EFEMP1: variants seen among roughly 807,000 people sequenced by gnomAD.
EFEMP1 encodes EGF-like fibulin extracellular matrix protein 1, also known as EGF-containing fibulin-like extracellular matrix protein 1.
EFEMP1 carries 18 observed loss-of-function variants against 65.7 expected under a neutral mutation model. The ratio of observed to expected loss-of-function variants is 0.27; its 90% confidence interval spans 0.19 to 0.41. The LOEUF is 0.41. Ranked by LOEUF, EFEMP1 falls within the 10% of genes least tolerant of loss-of-function variation. The pLI, the probability that EFEMP1 is intolerant of heterozygous loss-of-function variation, is 1.00. For synonymous variants in EFEMP1, 237 were observed against 219.7 expected (o/e 1.08, Z -0.70); for missense variants, 469 against 624.8 (o/e 0.75, Z 2.66).
chr2:55,879,364 G>C (rs1442527298), intron 6 of EFEMP1, among the ~76,000 whole-genome samples: 1 of 152,178 alleles, frequency 6.6e-6, no homozygotes, highest in East Asian at 1.9e-4. Flanking sequence ...AGTATTGATA[G>C]CTAATTTGTA....
chr2:55,902,989 T>G (rs914374355), intron 5 of EFEMP1, among the ~76,000 whole-genome samples: 4 of 152,214 alleles, frequency 2.6e-5, no homozygotes, highest in African/African-American at 9.6e-5. Context: ...TTGTAAATAA[T>G]TTCAAGTAAG....
At chr2:55,912,846 A>AT (rs1670529859) in intron 5 of EFEMP1, among the ~76,000 whole-genome samples, 1 of 151,994 alleles carries the variant, frequency 6.6e-6, no homozygotes, top group Non-Finnish European at 1.5e-5. Context: ...GTGTGGTGAA[A>AT]TTTTTTCTAG....
chr2:55,895,544 C>CT (rs11439731), intron 5 of EFEMP1, among the ~76,000 whole-genome samples: 31,726 of 138,502 alleles, frequency 0.23, 5,350 homozygotes, highest in African/African-American at 0.47. Context: ...CACAAATTAT[C>CT]TTTTTTTTTT....
chr2:55,888,580 A>G (rs1558470425), intron 5 of EFEMP1, among the ~76,000 whole-genome samples: 2 of 151,806 alleles, frequency 1.3e-5, no homozygotes, highest in Non-Finnish European at 2.9e-5. Context: ...CTTGTGATTC[A>G]CCCACCTTGG....
At chr2:55,895,702 C>T (rs1366902300) in intron 5 of EFEMP1, among the ~76,000 whole-genome samples, 8 of 151,884 alleles carry the variant, frequency 5.3e-5, no homozygotes. Context: ...CCACCTCGCC[C>T]GGCTAATTTT....
At chr2:55,875,431 G>A in intron 8 of EFEMP1, among the ~76,000 whole-genome samples, 1 of 151,668 alleles carries the variant, frequency 6.6e-6, no homozygotes, top group East Asian at 1.9e-4. Flanking sequence ...GTGAGCTAAA[G>A]AGAGTAAAAA....
chr2:55,889,452 C>T (rs1436468233), intron 5 of EFEMP1, among the ~76,000 whole-genome samples: 1 of 152,114 alleles, frequency 6.6e-6, no homozygotes. Context: ...TTCATTATAT[C>T]TTACTTATGA....
intron 5 of EFEMP1, among the ~76,000 whole-genome samples, chr2:55,910,705 G>A (rs1670449474): frequency 6.6e-6 from 1 of 152,142 alleles, no homozygotes; most frequent in Non-Finnish European, 1.5e-5. Context: ...GTCTTAAAAA[G>A]AATCTCCTCG....
intron 5 of EFEMP1, among the ~76,000 whole-genome samples, chr2:55,912,248 TA>T (rs757610912): frequency 1.6e-4 from 24 of 152,132 alleles, no homozygotes; most frequent in Non-Finnish European, 4.4e-5. Flanking sequence ...GCTGTATAAT[TA>T]TATGGAAGAA....
At position 55,918,613 on chromosome 2, in the gene EFEMP1, T is replaced by TAA. The variant is rs397760983; in HGVS notation, c.82-348_82-347dup. 7.8e-3 allele frequency among the ~76,000 whole-genome samples: 1,083 copies of TAA among 139,300 alleles called. 18 individuals carry two copies. The highest frequency in any genetic ancestry group is 0.029 in the African/African-American group (1,049 of 36,322). The allele number at this position is 139,300 out of a possible 152,430, so 91.4% of individuals were successfully genotyped here. A position where few individuals can be genotyped will look rare whatever the true frequency, so the allele number is the denominator to read the frequency against. On this transcript the variant is annotated intron_variant, in intron 3 of 11. Coordinates refer to ENST00000355426, the MANE Select transcript of EFEMP1 (RefSeq NM_001039348.3). The stretch of plus-strand genomic sequence containing the variant: ...GCCTTTTTTCCCACATTGGAAATGT[T>TAA]AAAAAAAAAAAAGACCAAATTCTCT...
intron 8 of EFEMP1, 76 bp from the exon 9 acceptor site, chr2:55,875,141 T>TCC: frequency 3.9e-6 from 2 of 511,030 alleles, no homozygotes; most frequent in South Asian, 5.3e-5. Flanking sequence ...TATATATATA[T>TCC]AAATTATATA....
chr2:55,875,365 C>CACACACACACACACACACAT lies in EFEMP1; in HGVS notation c.881-301_881-300insATGTGTGTGTGTGTGTGTGT, dbSNP rs1457478860. Reference sequence around the variant, plus strand: ...ACACACACACACACACACACACACACATATATATTTTTTTTGTTCTGCTCA... The same window carrying CACACACACACACACACACAT: ...ACACACACACACACACACACACACACACACACACACACACACACATATATATATTTTTTTTGTTCTGCTCA... On this transcript the variant is annotated intron_variant, in intron 8 of 11. Transcript: ENST00000355426. Among the ~76,000 whole-genome samples the CACACACACACACACACACAT allele has an allele frequency of 4.2e-3, 576 of 136,896 alleles. 3 individuals are homozygous for CACACACACACACACACACAT. Among genetic ancestry groups the CACACACACACACACACACAT allele is most frequent in the African/African-American group, 0.015 (544 of 36,740 alleles). 89.8% of individuals were successfully genotyped at this position (136,896 alleles called of 152,430 possible).
chr2:55,875,251 A>G (rs534083468), intron 8 of EFEMP1, among the ~76,000 whole-genome samples, 186 bp from the exon 9 acceptor site: 2 of 149,282 alleles, frequency 1.3e-5, no homozygotes, highest in Admixed American at 6.7e-5. Context: ...CTACCTATAT[A>G]TATATAAAGA....
chr2:55,915,237 G>A (rs1670633250), intron 5 of EFEMP1, among the ~76,000 whole-genome samples: 1 of 152,074 alleles, frequency 6.6e-6, no homozygotes, highest in Non-Finnish European at 1.5e-5. Flanking sequence ...TTTAGAAACT[G>A]GCTGAATTAC....
At position 55,877,824 on chromosome 2, in the gene EFEMP1, A is replaced by G; in HGVS notation, c.682T>C (p.Cys228Arg). The change falls in exon 7 of 12, where the codon TGC becomes CGC. Residue 228 changes from cysteine (C) to arginine (R), a missense_variant. Cys to Arg is a radical substitution (Grantham distance 180). Around this residue, in one of 3 missense-constraint regions of EFEMP1, gnomAD observed 399 missense variants for 528.2 expected, o/e 0.76. Transcript: ENST00000355426. This position sits in a 1 kb window ranked among gnomAD's most constrained non-coding sequence, Gnocchi z 4.5. ...TAAAATGAGCCTGGTGTATTCACGCATCTTTGGTGGCAATATGGAGGGATG... is the reference window on the plus strand; with the variant it reads ...TAAAATGAGCCTGGTGTATTCACGCGTCTTTGGTGGCAATATGGAGGGATG... ...CTIPPYCHQR[C>R]VNTPGSFYCQ... is the part of the protein sequence containing the mutation. The G allele has an allele frequency of 6.2e-7, 1 of 1,613,306 alleles. No individual in the cohort carries two copies. Among genetic ancestry groups the G allele is most frequent in the Non-Finnish European group, 8.5e-7 (1 of 1,179,364 alleles).
chr2:55,867,126 G>T lies in EFEMP1; in HGVS notation c.1429C>A (p.Arg477Ser), dbSNP rs1448130623. 1.2e-6 allele frequency: 2 copies of T among 1,613,686 alleles called. No homozygotes were observed. Among genetic ancestry groups the T allele is most frequent in the East Asian group, 2.2e-5 (1 of 44,874 alleles). Reference protein sequence around the residue: ...MLTVSSIGTFRTSSVLRLTII... With the variant: ...MLTVSSIGTFSTSSVLRLTII... ...GTCAATCTTAACACAGAGCTTGTGC[G>T]GAAGGTCCCTATACTGCTGACTGTC... The change falls in exon 12 of 12, where the codon CGC becomes AGC. Residue 477 changes from arginine (R) to serine (S), a missense_variant. Arg to Ser is a moderately radical substitution (Grantham distance 110). This residue lies in a region of EFEMP1 where 399 missense variants were observed against 528.2 expected (regional missense o/e 0.76). Transcript: ENST00000355426. The surrounding 1 kb of genome is among the most constrained non-coding windows in gnomAD (Gnocchi z 4.3).
At chr2:55,920,216 ACTTC>A (rs1408739675) in intron 3 of EFEMP1, among the ~76,000 whole-genome samples, 5 of 152,196 alleles carry the variant, frequency 3.3e-5, no homozygotes, top group African/African-American at 1.2e-4. Flanking sequence ...CAAGGTCATC[ACTTC>A]CTTCAAGAAC....
In EFEMP1 at chr2:55,922,296, A is replaced by G. The variant is rs528509941; in HGVS notation, c.81+64T>C. 12 of 1,490,262 alleles carry G rather than the reference A, an allele frequency of 8.1e-6. No homozygotes were observed. In the Admixed American group the frequency reaches 2.0e-4, roughly 25 times the overall value. The allele number at this position is 1,490,262 out of a possible 1,614,324, so 92.3% of individuals were successfully genotyped here. A position where few individuals can be genotyped will look rare whatever the true frequency, so the allele number is the denominator to read the frequency against. ...CCCAAATACACTGGCAGGGGTGTGT[A>G]AAGTCTTTTTTTGTCACAGAATCCC... On this transcript the variant is annotated intron_variant, in intron 3 of 11. Coordinates refer to ENST00000355426, the MANE Select transcript of EFEMP1 (RefSeq NM_001039348.3). This position sits in a 1 kb window ranked among gnomAD's most constrained non-coding sequence, Gnocchi z 5.5.
intron 5 of EFEMP1, among the ~76,000 whole-genome samples, chr2:55,902,504 A>G (rs1437344026): frequency 2.6e-5 from 4 of 152,228 alleles, no homozygotes; most frequent in Non-Finnish European, 2.9e-5. Context: ...CCTGCGCACC[A>G]AAATAAAAAT....
Sources: allele counts gnomAD v4.1 joint callset (sites outside exome capture counted in the v4.1 genomes callset), GRCh38; gene constraint gnomAD v4.1.1; regional missense constraint gnomAD v4.1.1; non-coding constraint Gnocchi (gnomAD v3.1); transcripts MANE v1.5; gene names NCBI Gene and HGNC (gene_info 2026-07-23, HGNC 2026-07-21).